PALM: variants seen among roughly 807,000 people sequenced by gnomAD.
PALM encodes the protein paralemmin-1.
In PALM, 18 loss-of-function variants were observed where a neutral mutation model predicts 30.7. The ratio of observed to expected loss-of-function variants is 0.59; its 90% CI spans 0.41 to 0.87. PALM has a LOEUF of 0.87. PALM is among the 40% of genes least tolerant of loss of function. The probability of loss-of-function intolerance (pLI) is 0.00; values close to 1 mark genes in which losing one functional copy is unlikely to be tolerated. For missense variants in PALM, 529 were observed against 555.4 expected, an observed-to-expected ratio of 0.95 and a Z score of 0.48; for synonymous variants, 286 against 242.8, an observed-to-expected ratio of 1.18 and a Z score of -1.66.
intron 2 of PALM, among the ~76,000 whole-genome samples, chr19:726,652 G>A (rs539149822): frequency 1.1e-3 from 165 of 152,158 alleles, no homozygotes; most frequent in Middle Eastern, 3.4e-3. Context: ...ATGAGTGACC[G>A]CCACGACGCT....
At chr19:713,376 A>G (rs1294819548) in intron 1 of PALM, among the ~76,000 whole-genome samples, 1 of 151,942 alleles carries the variant, frequency 6.6e-6, no homozygotes, top group Non-Finnish European at 1.5e-5. Context: ...TTAGCATGTC[A>G]GTCTCCTCCG....
At chr19:712,420 T>C (rs537537140) in intron 1 of PALM, among the ~76,000 whole-genome samples, 41 of 151,476 alleles carry the variant, frequency 2.7e-4, no homozygotes, top group Non-Finnish European at 5.2e-4. Flanking sequence ...AGAGTCTTGC[T>C]CCATCACCCA....
At chr19:710,323 C>G (rs1038581341) in intron 1 of PALM, among the ~76,000 whole-genome samples, 1 of 152,214 alleles carries the variant, frequency 6.6e-6, no homozygotes, top group Non-Finnish European at 1.5e-5. Flanking sequence ...AAAACCCAGA[C>G]AAAGGCCTGA....
intron 7 of PALM, among the ~76,000 whole-genome samples, chr19:737,049 G>A (rs371060326): frequency 9.4e-4 from 143 of 152,328 alleles, no homozygotes; most frequent in African/African-American, 3.3e-3. Context: ...GCAAGACTCC[G>A]TCTCAGAAAA....
intron 4 of PALM, among the ~76,000 whole-genome samples, chr19:730,483 G>A (rs980102113): frequency 3.3e-5 from 5 of 152,176 alleles, no homozygotes; most frequent in African/African-American, 1.2e-4. Flanking sequence ...GTGAGATAAA[G>A]TTTCCTGTTA....
chr19:734,089 C>G lies in PALM; in HGVS notation c.421-84C>G, dbSNP rs1007705356. 3.8e-6 allele frequency: 5 copies of G among 1,325,080 alleles called. No homozygotes were observed. The African/African-American group carries it at 7.2e-5, about 19-fold the overall frequency. The allele number at this position is 1,325,080 out of a possible 1,614,324, so 82.1% of individuals were successfully genotyped here. ...ATGACGTCACCCACTGTGCCATGCC[C>G]TCCCCAGGCTCCTGACCCCATGGCT... On this transcript the variant is annotated intron_variant, in intron 5 of 8. Transcript: ENST00000338448.
At chr19:738,342 C>T (rs151221883) in intron 7 of PALM, among the ~76,000 whole-genome samples, 7 of 152,120 alleles carry the variant, frequency 4.6e-5, no homozygotes, top group Non-Finnish European at 8.8e-5. Context: ...TTGGCTAACA[C>T]GGTGAAACCC....
At chr19:743,675 G>T (rs764254202) in intron 8 of PALM, among the ~76,000 whole-genome samples, 4 of 152,182 alleles carry the variant, frequency 2.6e-5, no homozygotes, top group Non-Finnish European at 5.9e-5. Flanking sequence ...AACTCCCAGC[G>T]TGGCCCAGGC....
At chr19:743,298 A>G (rs1201206703) in intron 8 of PALM, among the ~76,000 whole-genome samples, 1 of 151,326 alleles carries the variant, frequency 6.6e-6, no homozygotes, top group Non-Finnish European at 1.5e-5. Context: ...TGAGGTCCTC[A>G]CCCCCATCAC....
Position 716,087 on chromosome 19 carries a change from G to A in PALM, c.5+6936G>A, listed in dbSNP as rs1229093791. Among the ~76,000 whole-genome samples the A allele has an allele frequency of 2.0e-5, 3 of 152,142 alleles. No individual in the cohort carries two copies. The East Asian group carries it at 5.8e-4, about 29-fold the overall frequency. ...ACAGAGCCTGGACTGGGTGGGAAGAGGGAAGGGGAGCTAGGCCTTGGGATG... is the reference window on the plus strand; with the variant it reads ...ACAGAGCCTGGACTGGGTGGGAAGAAGGAAGGGGAGCTAGGCCTTGGGATG... On this transcript the variant is annotated intron_variant, in intron 1 of 8. Transcript: ENST00000338448.
intron 1 of PALM, among the ~76,000 whole-genome samples, chr19:720,185 C>A (rs1286305918): frequency 6.6e-6 from 1 of 151,762 alleles, no homozygotes; most frequent in Non-Finnish European, 1.5e-5. Flanking sequence ...AGGCCGGGGG[C>A]GGGAGATGCT....
rs59707820 is a variant in PALM at position 744,399 on chromosome 19, CAA to C, written c.635-1872_635-1871del. On this transcript the variant is annotated intron_variant, in intron 8 of 8. Transcript: ENST00000338448. ...TGGGCGACAGAGCGAGACTCCATCT[CAA>C]AAAAAAAAAAAAATAGAAAGTGAAT... Among the ~76,000 whole-genome samples the C allele has an allele frequency of 1.3e-3, 167 of 126,624 alleles. 1 individual carries two copies. The highest frequency in any genetic ancestry group is 4.8e-3 in the African/African-American group (156 of 32,752). 83.1% of individuals were successfully genotyped at this position (126,624 alleles called of 152,430 possible).
chr19:744,397 C>T (rs1291958150), intron 8 of PALM, among the ~76,000 whole-genome samples: 1 of 96,894 alleles, frequency 1.0e-5, no homozygotes, highest in African/African-American at 3.2e-5. Flanking sequence ...GAGACTCCAT[C>T]TCAAAAAAAA....
At chr19:725,615 A>ACTTGGATCCTTTGCTGTGCGTC (rs961819431) in intron 1 of PALM, among the ~76,000 whole-genome samples, 10 of 152,204 alleles carry the variant, frequency 6.6e-5, no homozygotes, top group African/African-American at 1.9e-4. Flanking sequence ...TTGAATCCGG[A>ACTTGGATCCTTTGCTGTGCGTC]CTTGGATCCT....
chr19:714,739 C>T (rs8102776), intron 1 of PALM, among the ~76,000 whole-genome samples: 68,681 of 151,502 alleles, frequency 0.45, 15,630 homozygotes, highest in Non-Finnish European at 0.47. Flanking sequence ...AGCCTCCACG[C>T]CCCGGGCTCA....
At chr19:710,464 C>T (rs1231594260) in intron 1 of PALM, among the ~76,000 whole-genome samples, 2 of 152,166 alleles carry the variant, frequency 1.3e-5, no homozygotes, top group Non-Finnish European at 2.9e-5. Flanking sequence ...CCCGGAGGAG[C>T]CTCTGGGCCT....
At chr19:739,218 C>T in intron 7 of PALM, among the ~76,000 whole-genome samples, 1 of 152,056 alleles carries the variant, frequency 6.6e-6, no homozygotes, top group East Asian at 1.9e-4. Flanking sequence ...TTCCTTCATT[C>T]TGAGTCTAAA....
chr19:728,001 G>A lies in PALM; in HGVS notation c.269+307G>A, dbSNP rs1025226560. 2.4e-5 allele frequency: 5 copies of A among 209,324 alleles called. No individual in the cohort carries two copies. The Admixed American group carries it at 3.0e-4, about 13-fold the overall frequency. The allele number at this position is 209,324 out of a possible 1,614,324, so 13.0% of individuals were successfully genotyped here. On this transcript the variant is annotated intron_variant, in intron 4 of 8. Coordinates refer to ENST00000338448, the MANE Select transcript of PALM (RefSeq NM_002579.3). ...GAGGGACGTGGCGTCGAGCTCCTGG[G>A]TCCCTGGAGCTGGCCAGCGGGGGAC...
Position 718,533 on chromosome 19 carries a change from G to A in PALM, c.6-7605G>A, listed in dbSNP as rs917823618. ...CTGCCCCGTCTTCCCCTGAGGGCCC[G>A]GGCAGGGTCCCTTCCCACCCCAGGT... is the stretch of plus-strand genomic sequence containing the variant. On this transcript the variant is annotated intron_variant, in intron 1 of 8. Transcript: ENST00000338448. 2.6e-5 allele frequency among the ~76,000 whole-genome samples: 4 copies of A among 152,286 alleles called. No homozygotes were observed. The East Asian group carries it at 5.8e-4, about 22-fold the overall frequency.
Sources: gnomAD v4.1 joint callset for allele counts (sites outside exome capture counted in the v4.1 genomes callset) on GRCh38, gnomAD v4.1.1 for gene constraint, MANE v1.5 for transcripts, NCBI Gene and HGNC (gene_info 2026-07-23, HGNC 2026-07-21) for gene names.